ACAP1: variants seen among roughly 807,000 people sequenced by gnomAD.
ACAP1 encodes the protein ArfGAP with coiled-coil, ankyrin repeat and PH domains 1, also known as arf-GAP with coiled-coil, ANK repeat and PH domain-containing protein 1.
Under a neutral mutation model 98.8 loss-of-function variants are expected in ACAP1, and 45 were observed. That is an observed-to-expected ratio of 0.46 (90% CI 0.36 to 0.58). The LOEUF (loss-of-function observed/expected upper bound fraction) is 0.58. Ranked by LOEUF, ACAP1 falls within the 20% of genes least tolerant of loss-of-function variation. The pLI, the probability that ACAP1 is intolerant of heterozygous loss-of-function variation, is 0.00. For synonymous variants in ACAP1, 362 were observed against 375.3 expected (o/e 0.96, Z 0.41); for missense variants, 735 against 971.4 (o/e 0.76, Z 3.24).
Position 7,350,985 on chromosome 17 carries a change from C to T in ACAP1, c.2108C>T (p.Ala703Val). The change falls in exon 21 of 22, where the codon GCC (alanine) becomes GTC (valine). Residue 703 changes from alanine (A) to valine (V), a missense_variant. Ala to Val is a moderately conservative substitution (Grantham distance 64). Transcript: ENST00000158762. This position sits in a 1 kb window ranked among gnomAD's most constrained non-coding sequence, Gnocchi z 4.6. ...RLAKMREAEA[A>V]QGQAGDETYL... ...GCAAAGATGAGGGAGGCTGAAGCGG[C>T]CCAGGGGCAGGCAGGTAAAGAATAC... 1 of 1,614,180 alleles carries T rather than the reference C, an allele frequency of 6.2e-7. No homozygotes were observed. The highest frequency in any genetic ancestry group is 8.5e-7 in the Non-Finnish European group (1 of 1,180,022).
chr17:7,347,347 C>G (rs1459566828), intron 14 of ACAP1, 105 bp downstream of exon 14: 5 of 1,140,240 alleles, frequency 4.4e-6, no homozygotes, highest in Non-Finnish European at 6.1e-6. Flanking sequence ...GTCCTGGCTT[C>G]CTCTCTTAGC....
Position 7,350,990 on chromosome 17 carries a change from G to A in ACAP1, c.2113G>A (p.Gly705Arg). The A allele has an allele frequency of 1.2e-6, 2 of 1,614,130 alleles. No individual in the cohort carries two copies. Among genetic ancestry groups the A allele is most frequent in the Non-Finnish European group, 1.7e-6 (2 of 1,179,998 alleles). ...AKMREAEAAQ[G>R]QAGDETYLDI... ...GATGAGGGAGGCTGAAGCGGCCCAG[G>A]GGCAGGCAGGTAAAGAATACACCCA... Residue 705 changes from glycine to arginine, a missense_variant, in exon 21 of 22, where the codon GGG (glycine) becomes AGG (arginine). Physicochemically the swap from Gly to Arg is moderately radical, Grantham distance 125. Transcript: ENST00000158762. This position sits in a 1 kb window ranked among gnomAD's most constrained non-coding sequence, Gnocchi z 4.6.
At chr17:7,336,822 G>A (rs1478480952) in intron 1 of ACAP1, 35 bp downstream of exon 1, 1 of 1,610,776 alleles carries the variant, frequency 6.2e-7, no homozygotes, top group Admixed American at 1.7e-5. Context: ...CTAAGGAGGG[G>A]AAAGTCTAAC....
At chr17:7,339,393 G>A (rs550117891) in intron 2 of ACAP1, among the ~76,000 whole-genome samples, 3 of 152,224 alleles carry the variant, frequency 2.0e-5, no homozygotes, top group East Asian at 1.9e-4. Flanking sequence ...GGTGGATCAC[G>A]AGGTCAGGAC....
Position 7,336,704 on chromosome 17 carries a change from G to T in ACAP1, c.-31G>T, listed in dbSNP as rs757873353. On this transcript the variant is annotated 5_prime_UTR_variant, in exon 1 of 22. Coordinates refer to ENST00000158762, the MANE Select transcript of ACAP1 (RefSeq NM_014716.4). ...GCATCCCCAGGGGCCCGGCCTCCAG[G>T]GCCCGCTGGCCCCACAGCAGGCAAG... 12 of 1,613,556 alleles carry T rather than the reference G, an allele frequency of 7.4e-6. No homozygotes were observed. In the South Asian group the frequency reaches 1.3e-4, roughly 18 times the overall value.
At chr17:7,347,370 C>CACT (rs2073356986) in intron 14 of ACAP1, 128 bp downstream of exon 14, 2 of 977,008 alleles carry the variant, frequency 2.0e-6, no homozygotes, top group African/African-American at 3.3e-5. Flanking sequence ...CTGGCTTTGT[C>CACT]ACTGGGTACC....
chr17:7,344,711 G>A lies in ACAP1; in HGVS notation c.854+63G>A. On this transcript the variant is annotated intron_variant, in intron 10 of 21. Transcript: ENST00000158762. The surrounding 1 kb of genome is among the most constrained non-coding windows in gnomAD (Gnocchi z 4.9). ...AATGATGTATTTTCGAGTGGTAATA[G>A]CACACTAAGCACTGCAAGGAAAAAC... The A allele has an allele frequency of 8.4e-7, 1 of 1,191,964 alleles. No homozygotes were observed. Among genetic ancestry groups the A allele is most frequent in the Non-Finnish European group, 1.2e-6 (1 of 824,318 alleles). 73.8% of individuals were successfully genotyped at this position (1,191,964 alleles called of 1,614,324 possible). A position where few individuals can be genotyped will look rare whatever the true frequency, so the allele number is the denominator to read the frequency against.
intron 2 of ACAP1, among the ~76,000 whole-genome samples, chr17:7,339,227 T>C (rs1003759545): frequency 6.6e-6 from 1 of 151,382 alleles, no homozygotes; most frequent in Non-Finnish European, 1.5e-5. Flanking sequence ...GAGGTGGAGC[T>C]TGCAGTGAGT....
rs747094461 is a variant in ACAP1, at chr17:7,343,697, C to T, written c.529-9C>T. Reference sequence around the variant, plus strand: ...CTGGGGTTTTTTACGTCCTCTTTTACGTCCTCAGATCAACGTGATTGAGGA... The same window carrying T: ...CTGGGGTTTTTTACGTCCTCTTTTATGTCCTCAGATCAACGTGATTGAGGA... On this transcript the variant is annotated splice_polypyrimidine_tract_variant and intron_variant, in intron 6 of 21. Coordinates refer to ENST00000158762, the MANE Select transcript of ACAP1 (RefSeq NM_014716.4). This position sits in a 1 kb window ranked among gnomAD's most constrained non-coding sequence, Gnocchi z 4.9. 59 of 1,613,250 alleles carry T rather than the reference C, an allele frequency of 3.7e-5. No homozygotes were observed. The highest frequency in any genetic ancestry group is 4.7e-5 in the Non-Finnish European group (56 of 1,179,572).
At chr17:7,349,352 A>C in intron 18 of ACAP1, 185 bp downstream of exon 18, 7 of 602,116 alleles carry the variant, frequency 1.2e-5, no homozygotes, top group South Asian at 7.8e-5. Context: ...CTGAGTTTGA[A>C]CCCAGGCTCT....
rs2073405287 is a variant in ACAP1, at chr17:7,351,106, T to C, written c.2122+107T>C. ...GCCCAGCTGCATTCATTCCGTTATTTAACAAATGCGTATTGGGCGCATGCG... is the reference window on the plus strand; with the variant it reads ...GCCCAGCTGCATTCATTCCGTTATTCAACAAATGCGTATTGGGCGCATGCG... On this transcript the variant is annotated intron_variant, in intron 21 of 21. Coordinates refer to ENST00000158762, the MANE Select transcript of ACAP1 (RefSeq NM_014716.4). 5 of 1,261,080 alleles carry C rather than the reference T, an allele frequency of 4.0e-6. No individual in the cohort carries two copies. The Admixed American group carries it at 9.5e-5, about 24-fold the overall frequency. The allele number at this position is 1,261,080 out of a possible 1,614,324, so 78.1% of individuals were successfully genotyped here.
intron 10 of ACAP1, 119 bp from the exon 11 acceptor site, chr17:7,346,125 G>A (rs1330505160): frequency 3.7e-5 from 33 of 900,014 alleles, no homozygotes; most frequent in Non-Finnish European, 5.0e-5. Flanking sequence ...ATGTCTCGTG[G>A]AACAGTCAGC....
chr17:7,339,494 C>T (rs1405395037), intron 2 of ACAP1, among the ~76,000 whole-genome samples: 1 of 151,980 alleles, frequency 6.6e-6, no homozygotes. Context: ...CCTGTAATCC[C>T]AGCTACTCAG....
Position 7,348,007 on chromosome 17 carries a change from G to A in ACAP1, c.1413+16G>A, listed in dbSNP as rs996779878. 1 of 1,614,072 alleles carries A rather than the reference G, an allele frequency of 6.2e-7. No homozygotes were observed. Among genetic ancestry groups the A allele is most frequent in the Non-Finnish European group, 8.5e-7 (1 of 1,179,884 alleles). ...ACTAGTGAAGGTAACTTAGCGTATT[G>A]TGAAGATTGGGGGCAAGAACTTGGG... On this transcript the variant is annotated intron_variant, in intron 15 of 21. Transcript: ENST00000158762.
At chr17:7,346,119 C>G (rs2073343396) in intron 10 of ACAP1, 125 bp from the exon 11 acceptor site, 1 of 858,814 alleles carries the variant, frequency 1.2e-6, no homozygotes, top group South Asian at 1.4e-5. Context: ...TCTGGAATGT[C>G]TCGTGGAACA....
In ACAP1 at chr17:7,342,085, A is replaced by C. The variant is rs1430422915; in HGVS notation, c.231+18A>C. ...TGATGGCGGTATGCGGAGGGTCTGC[A>C]TCTGGGAGGGAAGGGGTCTGGGATG... On this transcript the variant is annotated intron_variant, in intron 3 of 21. Transcript: ENST00000158762. 6.2e-7 allele frequency: 1 copy of C among 1,613,186 alleles called. No individual in the cohort carries two copies.
Position 7,350,942 on chromosome 17 carries a change from C to T in ACAP1, c.2073-8C>T. 1 of 1,614,134 alleles carries T rather than the reference C, an allele frequency of 6.2e-7. No individual in the cohort carries two copies. The highest frequency in any genetic ancestry group is 8.5e-7 in the Non-Finnish European group (1 of 1,179,986). On this transcript the variant is annotated splice_polypyrimidine_tract_variant and splice_region_variant and intron_variant, in intron 20 of 21. Transcript: ENST00000158762. This position sits in a 1 kb window ranked among gnomAD's most constrained non-coding sequence, Gnocchi z 4.6. ...GTGTCGTTCATTTCTTAATTCCCTC[C>T]TCTTCAGGCTACGACTGGCAAAGAT...
chr17:7,345,083 A>G (rs1221283794), intron 10 of ACAP1, among the ~76,000 whole-genome samples: 2 of 152,126 alleles, frequency 1.3e-5, no homozygotes, highest in Admixed American at 1.3e-4. Context: ...GATGTGCAGG[A>G]GATGAAATCG....
At position 7,344,744 on chromosome 17, in the gene ACAP1, C is replaced by A; in HGVS notation, c.854+96C>A. On this transcript the variant is annotated intron_variant, in intron 10 of 21. Transcript: ENST00000158762. The surrounding 1 kb of genome is among the most constrained non-coding windows in gnomAD (Gnocchi z 4.9). ...AGCACTGCAAGGAAAAACAGACGAA[C>A]CCCCCTGCCTCAGTAGAGTTTCATT... 2.4e-6 allele frequency: 2 copies of A among 821,562 alleles called. No individual in the cohort carries two copies. The highest frequency in any genetic ancestry group is 2.7e-5 in the East Asian group (1 of 37,076). The allele number at this position is 821,562 out of a possible 1,614,324, so 50.9% of individuals were successfully genotyped here. A position where few individuals can be genotyped will look rare whatever the true frequency, so the allele number is the denominator to read the frequency against.
Sources: gnomAD v4.1 joint callset for allele counts (sites outside exome capture counted in the v4.1 genomes callset) on GRCh38, gnomAD v4.1.1 for gene constraint, Gnocchi (gnomAD v3.1) non-coding constraint, MANE v1.5 for transcripts, NCBI Gene and HGNC (gene_info 2026-07-23, HGNC 2026-07-21) for gene names.